The following BDH1 variants were observed in gnomAD, a reference collection of about 807,000 sequenced individuals.
BDH1 encodes the protein D-beta-hydroxybutyrate dehydrogenase, mitochondrial.
A neutral mutation model predicts 33.1 loss-of-function variants in BDH1; 30 were observed. The observed-to-expected ratio is 0.91, with a 90% CI of 0.68 to 1.23. The LOEUF is 1.23. Ranked by LOEUF, BDH1 falls within the 50% of genes most tolerant of loss-of-function variation. BDH1 has a pLI of 0.00. For synonymous variants in BDH1, 190 were observed against 183.6 expected (o/e 1.03, Z -0.28); for missense variants, 443 against 464.4 (o/e 0.95, Z 0.42).
rs991513883 is a variant in BDH1, at chr3:197,520,626, G to A, written c.409+2014C>T. Among the ~76,000 whole-genome samples, 7 of 152,142 alleles carry A rather than the reference G, an allele frequency of 4.6e-5. No individual in the cohort carries two copies. Among genetic ancestry groups the A allele is most frequent in the South Asian group, 2.1e-4 (1 of 4,824 alleles). On this transcript the variant is annotated intron_variant, in intron 6 of 7. Transcript: ENST00000392379. The surrounding 1 kb of genome is among the most constrained non-coding windows in gnomAD (Gnocchi z 6.0). Reference sequence around the variant, plus strand: ...GTCTCCGGTGATGACGCCTTTCCACGGGCATTTTAGATCACCACAAAACCC... The same window carrying A: ...GTCTCCGGTGATGACGCCTTTCCACAGGCATTTTAGATCACCACAAAACCC...
intron 2 of BDH1, among the ~76,000 whole-genome samples, chr3:197,548,865 C>CA (rs201793920): frequency 2.6e-3 from 349 of 132,046 alleles, no homozygotes; most frequent in African/African-American, 7.5e-3. Flanking sequence ...ACAAAAATAA[C>CA]AAAAAAAAAC....
chr3:197,518,803 C>G (rs1297123776), intron 6 of BDH1, among the ~76,000 whole-genome samples: 1 of 41,270 alleles, frequency 2.4e-5, no homozygotes, highest in South Asian at 1.3e-3. Context: ...GCCGACCCCC[C>G]CCATCAGTCA....
intron 1 of BDH1, among the ~76,000 whole-genome samples, chr3:197,572,905 T>C (rs1317709711): frequency 6.6e-6 from 1 of 152,222 alleles, no homozygotes; most frequent in East Asian, 1.9e-4. Context: ...ACATGCTTAT[T>C]TTGCCTAATT....
At chr3:197,571,266 C>T (rs1717597569) in intron 1 of BDH1, among the ~76,000 whole-genome samples, 1 of 152,166 alleles carries the variant, frequency 6.6e-6, no homozygotes, top group Non-Finnish European at 1.5e-5. Flanking sequence ...CTTGCCTTAT[C>T]TCGGGTAAGA....
rs1406773300 is a variant in BDH1, at chr3:197,514,825, CTCACG to C, written c.410-414_410-410del. Among the ~76,000 whole-genome samples, 1 of 152,196 alleles carries C rather than the reference CTCACG, an allele frequency of 6.6e-6. No homozygotes were observed. Among genetic ancestry groups the C allele is most frequent in the East Asian group, 1.9e-4 (1 of 5,190 alleles). ...ACTCATCTCTGCCCTTGAGCTTTTG[CTCACG>C]TCTTCTCTTCTCTTGCCAGAAGCCA... On this transcript the variant is annotated intron_variant, in intron 6 of 7. Transcript: ENST00000392379. The surrounding 1 kb of genome is among the most constrained non-coding windows in gnomAD (Gnocchi z 4.2).
chr3:197,567,557 T>C (rs962630087), intron 1 of BDH1, among the ~76,000 whole-genome samples: 3 of 152,212 alleles, frequency 2.0e-5, no homozygotes, highest in Non-Finnish European at 4.4e-5. Flanking sequence ...GTTGATTGCT[T>C]CTCATGTCTC....
At chr3:197,572,218 A>G (rs963102140) in intron 1 of BDH1, among the ~76,000 whole-genome samples, 2 of 152,222 alleles carry the variant, frequency 1.3e-5, no homozygotes, top group African/African-American at 4.8e-5. Flanking sequence ...ACTGGGGACT[A>G]AAGGAACTCC....
At chr3:197,552,029 T>G (rs1716618587) in intron 2 of BDH1, among the ~76,000 whole-genome samples, 1 of 152,130 alleles carries the variant, frequency 6.6e-6, no homozygotes, top group South Asian at 2.1e-4. Flanking sequence ...CTCCCGAAGG[T>G]TGATCTCCAA....
intron 3 of BDH1, among the ~76,000 whole-genome samples, chr3:197,536,841 C>T (rs1024479554): frequency 6.6e-6 from 1 of 152,190 alleles, no homozygotes; most frequent in African/African-American, 2.4e-5. Flanking sequence ...GAAACTCCGT[C>T]TCAAAAAAAC....
At chr3:197,559,620 C>T (rs1222203553), upstream of BDH1, among the ~76,000 whole-genome samples, 3 of 152,204 alleles carry the variant, frequency 2.0e-5, no homozygotes, top group African/African-American at 4.8e-5. Context: ...AAAGAGACAT[C>T]TCAGCTTATC....
intron 1 of BDH1, among the ~76,000 whole-genome samples, chr3:197,561,310 G>T (rs1407563983): frequency 6.6e-6 from 1 of 152,046 alleles, no homozygotes; most frequent in African/African-American, 2.4e-5. Flanking sequence ...ATTTGGTCAA[G>T]ATCTAGAGTT....
At chr3:197,519,953 A>C (rs907196422) in intron 6 of BDH1, among the ~76,000 whole-genome samples, 66 of 152,238 alleles carry the variant, frequency 4.3e-4, no homozygotes, top group Non-Finnish European at 8.5e-4. Context: ...GCCAGGCTGC[A>C]GGGCGTCAAA....
At chr3:197,519,087 C>A (rs1713237901) in intron 6 of BDH1, among the ~76,000 whole-genome samples, 1 of 149,252 alleles carries the variant, frequency 6.7e-6, no homozygotes, top group Non-Finnish European at 1.5e-5. Context: ...GTCTCCATCC[C>A]CTCCTCAGGT....
At chr3:197,568,291 G>GGT (rs1553877238) in intron 1 of BDH1, among the ~76,000 whole-genome samples, 2 of 148,680 alleles carry the variant, frequency 1.3e-5, no homozygotes, top group African/African-American at 2.5e-5. Flanking sequence ...AGTTTTGTGG[G>GGT]TTTTTTTTTT....
intron 2 of BDH1, among the ~76,000 whole-genome samples, chr3:197,547,740 C>T (rs1400962149): frequency 2.0e-5 from 3 of 152,212 alleles, no homozygotes; most frequent in Admixed American, 6.5e-5. Context: ...CCTGGAGGCC[C>T]CTAGCTCACT....
intron 6 of BDH1, among the ~76,000 whole-genome samples, chr3:197,518,412 C>G (rs1364406842): frequency 3.3e-5 from 1 of 30,278 alleles, no homozygotes; most frequent in Non-Finnish European, 6.3e-5. Flanking sequence ...CCATCCCCCC[C>G]TCAGGCCGAC....
intron 2 of BDH1, among the ~76,000 whole-genome samples, chr3:197,551,663 T>C (rs1309962600): frequency 6.6e-6 from 1 of 152,208 alleles, no homozygotes; most frequent in Non-Finnish European, 1.5e-5. Flanking sequence ...TTCTCTGTAG[T>C]GGTTGTACTA....
At chr3:197,537,612 C>A (rs34717534) in intron 3 of BDH1, among the ~76,000 whole-genome samples, 5,954 of 152,288 alleles carry the variant, frequency 0.039, 184 homozygotes, top group Non-Finnish European at 0.058. Context: ...AGGGACAAAG[C>A]ATTCAGTCTC....
chr3:197,536,079 A>G (rs557522430), intron 3 of BDH1, among the ~76,000 whole-genome samples: 10 of 151,920 alleles, frequency 6.6e-5, no homozygotes, highest in Admixed American at 6.6e-4. Flanking sequence ...TTTATGTTTT[A>G]CTTCTTAAGT....
Sources: gnomAD v4.1 joint callset for allele counts (sites outside exome capture counted in the v4.1 genomes callset) on GRCh38, gnomAD v4.1.1 for gene constraint, Gnocchi (gnomAD v3.1) non-coding constraint, MANE v1.5 for transcripts, NCBI Gene and HGNC (gene_info 2026-07-23, HGNC 2026-07-21) for gene names.